FGF1: variants seen among roughly 807,000 people sequenced by gnomAD.
FGF1 encodes the protein beta-endothelial cell growth factor.
Under a neutral mutation model 13.4 loss-of-function variants are expected in FGF1, and 9 were observed. The ratio of observed to expected loss-of-function variants is 0.67; its 90% CI spans 0.40 to 1.17. FGF1 has a LOEUF of 1.17. Ranked by LOEUF, FGF1 falls within the 50% of genes most tolerant of loss-of-function variation. The probability of loss-of-function intolerance (pLI) is 0.01; values close to 1 mark genes in which losing one functional copy is unlikely to be tolerated. For synonymous variants in FGF1, 93 were observed against 79.0 expected (o/e 1.18, Z -0.94); for missense variants, 156 against 192.7 (o/e 0.81, Z 1.13).
At chr5:142,671,324 G>A (rs1771421496) in intron 1 of FGF1, among the ~76,000 whole-genome samples, 1 of 152,132 alleles carries the variant, frequency 6.6e-6, no homozygotes, top group Non-Finnish European at 1.5e-5. Flanking sequence ...TGTGTTTTAG[G>A]GGTAAGACGT....
At chr5:142,661,884 T>C (rs1397228316) in intron 1 of FGF1, among the ~76,000 whole-genome samples, 2 of 152,146 alleles carry the variant, frequency 1.3e-5, no homozygotes, top group Non-Finnish European at 2.9e-5. Flanking sequence ...TTGCCTGTAG[T>C]CTCAGCTACT....
At chr5:142,623,988 T>C (rs1561589300) in intron 1 of FGF1, among the ~76,000 whole-genome samples, 1 of 152,030 alleles carries the variant, frequency 6.6e-6, no homozygotes, top group Non-Finnish European at 1.5e-5. Flanking sequence ...GGCACAATCT[T>C]GGCTCACTGC....
intron 1 of FGF1, among the ~76,000 whole-genome samples, chr5:142,648,864 A>G (rs1260054426): frequency 6.6e-6 from 1 of 152,054 alleles, no homozygotes; most frequent in Non-Finnish European, 1.5e-5. Flanking sequence ...GCCCTGGAAG[A>G]GGTCGGAGAG....
intron 1 of FGF1, among the ~76,000 whole-genome samples, chr5:142,616,791 C>T (rs955350204): frequency 1.3e-5 from 2 of 152,204 alleles, no homozygotes; most frequent in Admixed American, 1.3e-4. Flanking sequence ...TCCCTCACCT[C>T]TCTATTAGCA....
chr5:142,639,387 C>T (rs140253094), intron 1 of FGF1, among the ~76,000 whole-genome samples: 3 of 151,986 alleles, frequency 2.0e-5, no homozygotes, highest in African/African-American at 7.3e-5. Context: ...ACTATTAATC[C>T]ATAAAAAGAG....
chr5:142,641,390 G>A (rs1765178726), intron 1 of FGF1, among the ~76,000 whole-genome samples: 1 of 151,772 alleles, frequency 6.6e-6, no homozygotes, highest in Admixed American at 6.6e-5. Context: ...TTTTCTGTGG[G>A]GGTTAATTTT....
At position 142,614,108 on chromosome 5, in the gene FGF1, G is replaced by C; in HGVS notation, c.20C>G (p.Thr7Ser). The change falls in exon 2 of 4, where the codon ACC (threonine) becomes AGC (serine). Residue 7 changes from threonine (T) to serine (S), a missense_variant. Transcript: ENST00000337706. ...CTTCTCGGTCAGGGCTGTGAAGGTG[G>C]TGATTTCCCCTTCAGCCATGGCTCA... MAEGEI[T>S]TFTALTEKFN... 1 of 1,614,224 alleles carries C rather than the reference G, an allele frequency of 6.2e-7. No individual in the cohort carries two copies.
chr5:142,600,934 C>G (rs1005383377), intron 2 of FGF1, 129 bp from the exon 3 acceptor site: 3 of 660,416 alleles, frequency 4.5e-6, no homozygotes, highest in Non-Finnish European at 8.2e-6. Context: ...GGATGAGCCT[C>G]AGATTAATCA....
rs539695041 is a variant in FGF1, at chr5:142,646,510, G to A, written c.-34-32349C>T. 7.2e-5 allele frequency among the ~76,000 whole-genome samples: 11 copies of A among 152,110 alleles called. No individual in the cohort carries two copies. In the South Asian group the frequency reaches 1.2e-3, roughly 17 times the overall value. On this transcript the variant is annotated intron_variant, in intron 1 of 3. Transcript: ENST00000337706. ...TGGGATTACAGGCCTGTGCCACCAC[G>A]CCCGGCTACTTTTTGTGTTTTTAGT...
chr5:142,602,191 T>G (rs1171543574), intron 2 of FGF1, among the ~76,000 whole-genome samples: 1 of 151,044 alleles, frequency 6.6e-6, no homozygotes, highest in Non-Finnish European at 1.5e-5. Context: ...TTTTTTTTTC[T>G]TTTGAGACGG....
rs964966355 is a variant in FGF1, at chr5:142,639,945, T to C, written c.-34-25784A>G. 7.2e-5 allele frequency among the ~76,000 whole-genome samples: 11 copies of C among 151,978 alleles called. 1 individual carries two copies. The highest frequency in any genetic ancestry group is 2.4e-4 in the African/African-American group (10 of 41,234). ...ATAAATGATGATCTGTCCCATCCAG[T>C]GTTGCATATCAGTTTACCTGAAAAG... is the stretch of plus-strand genomic sequence containing the variant. On this transcript the variant is annotated intron_variant, in intron 1 of 3. Transcript: ENST00000337706.
rs757287377 is a variant in FGF1, at chr5:142,606,244, G to GTGTGTGTGTGTA, written c.170-5440_170-5439insTACACACACACA. Among the ~76,000 whole-genome samples, 31 of 147,962 alleles carry GTGTGTGTGTGTA rather than the reference G, an allele frequency of 2.1e-4. 1 individual carries two copies. Among genetic ancestry groups the GTGTGTGTGTGTA allele is most frequent in the African/African-American group, 7.6e-4 (30 of 39,336 alleles). ...TGTGTGTGTGTGTGTGTGTGTGTGT[G>GTGTGTGTGTGTA]TATGTAGTTTTTTTTTTTAATCCCC... On this transcript the variant is annotated intron_variant, in intron 2 of 3. Transcript: ENST00000337706.
At chr5:142,687,358 C>G (rs1448818297), upstream of FGF1, among the ~76,000 whole-genome samples, 2 of 152,168 alleles carry the variant, frequency 1.3e-5, no homozygotes, top group African/African-American at 4.8e-5. Flanking sequence ...AGGGATGAGC[C>G]TTGGAGAAGG....
chr5:142,690,844 AT>A (rs1435482166), upstream of FGF1, among the ~76,000 whole-genome samples: 1 of 152,162 alleles, frequency 6.6e-6, no homozygotes, highest in African/African-American at 2.4e-5. Flanking sequence ...CAACATACTC[AT>A]TGCTCACCGT....
At chr5:142,651,355 T>C (rs1035667382) in intron 1 of FGF1, among the ~76,000 whole-genome samples, 3 of 152,164 alleles carry the variant, frequency 2.0e-5, no homozygotes, top group Admixed American at 6.5e-5. Flanking sequence ...ATAGTCTTTA[T>C]TGTTTGAGTA....
In FGF1 at chr5:142,620,521, G is replaced by A. The variant is rs17223528; in HGVS notation, c.-34-6360C>T. Among the ~76,000 whole-genome samples, 902 of 152,190 alleles carry A rather than the reference G, an allele frequency of 5.9e-3. 11 individuals are homozygous for A. Among genetic ancestry groups the A allele is most frequent in the African/African-American group, 0.021 (879 of 41,522 alleles). ...TAAAAGGGATTGCCACATAATAAGT[G>A]GATTAATTCAACAGAAAGATATACA... On this transcript the variant is annotated intron_variant, in intron 1 of 3. Transcript: ENST00000337706.
intron 1 of FGF1, among the ~76,000 whole-genome samples, chr5:142,640,621 AAG>A (rs1765044849): frequency 6.6e-6 from 1 of 152,030 alleles, no homozygotes; most frequent in African/African-American, 2.4e-5. Context: ...AAGAATAGGC[AAG>A]AGACTCGAAA....
chr5:142,694,535 G>T (rs1401500778), intron 2 of FGF1, among the ~76,000 whole-genome samples: 1 of 152,120 alleles, frequency 6.6e-6, no homozygotes, highest in African/African-American at 2.4e-5. Flanking sequence ...GGGCACAGAT[G>T]GTACAAGAAA....
intron 3 of FGF1, among the ~76,000 whole-genome samples, chr5:142,597,557 C>T (rs1361549101): frequency 6.6e-6 from 1 of 152,180 alleles, no homozygotes; most frequent in Non-Finnish European, 1.5e-5. Context: ...TTCTATTCGT[C>T]AAGATCTTAG....
Sources: allele counts gnomAD v4.1 joint callset (sites outside exome capture counted in the v4.1 genomes callset), GRCh38; gene constraint gnomAD v4.1.1; transcripts MANE v1.5; gene names NCBI Gene and HGNC (gene_info 2026-07-23, HGNC 2026-07-21).